The following CACNA2D3 variants were observed in gnomAD, a reference collection of about 807,000 sequenced individuals.
CACNA2D3 encodes voltage-dependent calcium channel subunit alpha-2/delta-3.
Under a neutral mutation model 160.6 loss-of-function variants are expected in CACNA2D3, and 60 were observed. That is an observed-to-expected ratio of 0.37 (90% CI 0.30 to 0.46). The LOEUF is 0.46. Among genes scored for constraint, CACNA2D3 ranks in the 20% least tolerant of loss-of-function variants. The pLI is 1.00. For synonymous variants in CACNA2D3, 558 were observed against 492.9 expected (o/e 1.13, Z -1.75); for missense variants, 1,205 against 1,365.0 (o/e 0.88, Z 1.85).
At chr3:54,515,199 T>A (rs34937144) in intron 5 of CACNA2D3, among the ~76,000 whole-genome samples, 3,711 of 143,572 alleles carry the variant, frequency 0.026, 162 homozygotes, top group African/African-American at 0.082. Context: ...TGTGTGTGTG[T>A]GAGAGAGAGA....
chr3:54,874,393 G>T (rs911910923), intron 18 of CACNA2D3, among the ~76,000 whole-genome samples: 1 of 150,198 alleles, frequency 6.7e-6, no homozygotes, highest in African/African-American at 2.4e-5. Context: ...CTCTGGGAAG[G>T]GAAAATTATC....
chr3:54,511,180 A>G (rs1701452951), intron 5 of CACNA2D3, among the ~76,000 whole-genome samples: 1 of 152,170 alleles, frequency 6.6e-6, no homozygotes, highest in South Asian at 2.1e-4. Flanking sequence ...CATGGCTGCC[A>G]TGTCTTTCCC....
intron 13 of CACNA2D3, among the ~76,000 whole-genome samples, chr3:54,792,034 C>T (rs1702768572): frequency 6.6e-6 from 1 of 152,134 alleles, no homozygotes; most frequent in Non-Finnish European, 1.5e-5. Flanking sequence ...GAGGCTTTTC[C>T]AAAGAAGCCA....
chr3:54,131,178 A>T (rs577271831), intron 2 of CACNA2D3, among the ~76,000 whole-genome samples: 7 of 152,326 alleles, frequency 4.6e-5, no homozygotes, highest in African/African-American at 1.7e-4. Flanking sequence ...TACTTGGTGA[A>T]TGAGCAAGTG....
intron 2 of CACNA2D3, among the ~76,000 whole-genome samples, chr3:54,261,127 A>G (rs1019826260): frequency 1.3e-5 from 2 of 152,156 alleles, no homozygotes; most frequent in Non-Finnish European, 2.9e-5. Flanking sequence ...TAGCCTACTC[A>G]TTCCTCTGAG....
chr3:55,011,819 A>T (rs1703217028), intron 34 of CACNA2D3, among the ~76,000 whole-genome samples: 1 of 152,216 alleles, frequency 6.6e-6, no homozygotes, highest in African/African-American at 2.4e-5. Flanking sequence ...ATGATTTGAA[A>T]AAAGAAAGAT....
intron 29 of CACNA2D3, 21 bp from the exon 30 acceptor site, chr3:54,984,587 G>GT (rs200547291): frequency 0.011 from 14,639 of 1,292,000 alleles, 99 homozygotes; most frequent in African/African-American, 0.065. Context: ...TTTTGTTTTT[G>GT]TTTTTTTTTT....
chr3:54,811,074 G>A (rs537780440), intron 13 of CACNA2D3, among the ~76,000 whole-genome samples: 3 of 152,034 alleles, frequency 2.0e-5, no homozygotes, highest in South Asian at 4.2e-4. Flanking sequence ...TCACCCCTTC[G>A]GTAACCTCAT....
intron 31 of CACNA2D3, among the ~76,000 whole-genome samples, chr3:54,999,343 G>C (rs1289909875): frequency 1.3e-5 from 2 of 152,162 alleles, no homozygotes; most frequent in Non-Finnish European, 2.9e-5. Flanking sequence ...TCTTTGTTAA[G>C]AATTTCCTAT....
chr3:55,067,385 CCCCGGTTA>C (rs1704682947), intron 35 of CACNA2D3, among the ~76,000 whole-genome samples: 1 of 152,158 alleles, frequency 6.6e-6, no homozygotes, highest in South Asian at 2.1e-4. Flanking sequence ...CTCTGCTCTG[CCCCGGTTA>C]CTCTAGGTAC....
intron 2 of CACNA2D3, among the ~76,000 whole-genome samples, chr3:54,126,684 C>T (rs7651527): frequency 0.39 from 59,153 of 151,876 alleles, 11,644 homozygotes; most frequent in South Asian, 0.49. Context: ...TGTCTGTGGG[C>T]GCTGGAGTTC....
At chr3:54,926,867 C>T (rs1464286281) in intron 27 of CACNA2D3, among the ~76,000 whole-genome samples, 3 of 152,130 alleles carry the variant, frequency 2.0e-5, no homozygotes. Context: ...CTCTGGAATC[C>T]AGAGAAATCT....
At chr3:54,924,794 C>G in intron 27 of CACNA2D3, 1 of 1,614,110 alleles carries the variant, frequency 6.2e-7, no homozygotes, top group South Asian at 1.1e-5. Context: ...TCTCCCAAGT[C>G]TCTCCCAAGG....
intron 17 of CACNA2D3, among the ~76,000 whole-genome samples, chr3:54,855,779 A>G (rs1057106171): frequency 6.6e-6 from 1 of 152,106 alleles, no homozygotes. Context: ...GTGATTAAGA[A>G]TTGTTATCTG....
At chr3:54,241,822 A>G (rs1701979079) in intron 2 of CACNA2D3, among the ~76,000 whole-genome samples, 1 of 152,202 alleles carries the variant, frequency 6.6e-6, no homozygotes, top group African/African-American at 2.4e-5. Context: ...TAGTTCCAAC[A>G]CAGTTGCTTT....
chr3:54,377,732 A>T (rs954296209), intron 3 of CACNA2D3, among the ~76,000 whole-genome samples: 1 of 152,222 alleles, frequency 6.6e-6, no homozygotes, highest in African/African-American at 2.4e-5. Context: ...TTCTGACTCT[A>T]CTGTAACAAA....
intron 35 of CACNA2D3, among the ~76,000 whole-genome samples, chr3:55,031,216 T>G (rs181178857): frequency 3.5e-4 from 53 of 152,336 alleles, no homozygotes; most frequent in African/African-American, 1.0e-3. Flanking sequence ...TCCTGGTGGT[T>G]GTTTGTGCTG....
intron 2 of CACNA2D3, among the ~76,000 whole-genome samples, chr3:54,286,517 C>G (rs1196553358): frequency 2.0e-5 from 3 of 152,150 alleles, no homozygotes; most frequent in African/African-American, 7.2e-5. Context: ...AGGATATTAT[C>G]CAGGAGAACT....
intron 27 of CACNA2D3, among the ~76,000 whole-genome samples, chr3:54,921,116 A>G (rs940379623): frequency 2.0e-5 from 3 of 152,182 alleles, no homozygotes; most frequent in Non-Finnish European, 4.4e-5. Flanking sequence ...TTCTAGATTA[A>G]TGTAACTGAC....
Sources: gnomAD v4.1 joint callset for allele counts (sites outside exome capture counted in the v4.1 genomes callset) on GRCh38, gnomAD v4.1.1 for gene constraint, MANE v1.5 for transcripts, NCBI Gene and HGNC (gene_info 2026-07-23, HGNC 2026-07-21) for gene names.